The following AFG2A variants were observed in gnomAD, a reference collection of about 807,000 sequenced individuals.
AFG2A encodes AAA ATPase AFG2A.
At chr4:123,096,893 G>C in the AFG2A span, among the ~76,000 whole-genome samples, 1 of 152,058 alleles carries the variant, frequency 6.6e-6, no homozygotes, top group South Asian at 2.1e-4. Context: ...TCTGGAAGAG[G>C]AAATGTGCTT....
the AFG2A span, among the ~76,000 whole-genome samples, chr4:123,075,988 C>A: frequency 0.14 from 18,810 of 134,040 alleles, 1,219 homozygotes; most frequent in Middle Eastern, 0.26. Context: ...AAAAAAAAAA[C>A]AAAAAAAAAA....
At chr4:122,938,765 T>C in the AFG2A span, among the ~76,000 whole-genome samples, 1 of 151,860 alleles carries the variant, frequency 6.6e-6, no homozygotes, top group Non-Finnish European at 1.5e-5. Flanking sequence ...TAATTTTTTT[T>C]TAAATCTTCT....
chr4:123,248,395 T>C, the AFG2A span, among the ~76,000 whole-genome samples: 1 of 152,198 alleles, frequency 6.6e-6, no homozygotes, highest in Non-Finnish European at 1.5e-5. Context: ...TAAGAGATAT[T>C]ATGAAATCGT....
chr4:123,048,319 T>C, the AFG2A span, among the ~76,000 whole-genome samples: 1 of 152,218 alleles, frequency 6.6e-6, no homozygotes, highest in Non-Finnish European at 1.5e-5. Context: ...TTCTTTTAGC[T>C]CAGGATTGCT....
the AFG2A span, among the ~76,000 whole-genome samples, chr4:123,155,598 G>A: frequency 7.0e-6 from 1 of 143,538 alleles, no homozygotes; most frequent in Non-Finnish European, 1.5e-5. Context: ...TAACAATACA[G>A]CATTTTCAAA....
At chr4:122,977,176 G>A in the AFG2A span, among the ~76,000 whole-genome samples, 12 of 152,124 alleles carry the variant, frequency 7.9e-5, no homozygotes, top group South Asian at 2.1e-4. Context: ...AGAAACCTCT[G>A]TGGCCGGTGG....
the AFG2A span, among the ~76,000 whole-genome samples, chr4:122,970,934 A>C: frequency 1.3e-5 from 2 of 152,136 alleles, no homozygotes; most frequent in African/African-American, 4.8e-5. Context: ...CCCGGGTTCA[A>C]GCAATTCTTG....
the AFG2A span, chr4:122,938,112 T>C: frequency 6.3e-7 from 1 of 1,579,390 alleles, no homozygotes; most frequent in Non-Finnish European, 8.6e-7. Flanking sequence ...TTCATTTTAC[T>C]TGTTTGTTTT....
chr4:123,049,290 G>A, the AFG2A span, among the ~76,000 whole-genome samples: 4 of 152,160 alleles, frequency 2.6e-5, no homozygotes, highest in Admixed American at 2.0e-4. Flanking sequence ...TTTTAAATCT[G>A]TGTTTATCGG....
the AFG2A span, among the ~76,000 whole-genome samples, chr4:123,272,280 C>T: frequency 6.6e-6 from 1 of 152,148 alleles, no homozygotes. Flanking sequence ...ACCGTGAGCT[C>T]AGTAAACCCC....
the AFG2A span, chr4:123,090,551 A>G: frequency 6.2e-7 from 1 of 1,612,504 alleles, no homozygotes; most frequent in Non-Finnish European, 8.5e-7. Flanking sequence ...AAGTAAAGAT[A>G]TTTTTTAAAC....
chr4:123,256,265 G>A, the AFG2A span: 3 of 1,485,532 alleles, frequency 2.0e-6, no homozygotes, highest in East Asian at 2.3e-5. Context: ...TTGCCCTGAG[G>A]TGTTTTAAAT....
chr4:123,101,153 A>G, the AFG2A span, among the ~76,000 whole-genome samples: 2 of 151,890 alleles, frequency 1.3e-5, no homozygotes, highest in Non-Finnish European at 2.9e-5. Context: ...AAAATTGTTT[A>G]AAGTATCTAG....
At chr4:123,153,486 C>T in the AFG2A span, among the ~76,000 whole-genome samples, 1 of 152,064 alleles carries the variant, frequency 6.6e-6, no homozygotes, top group Non-Finnish European at 1.5e-5. Flanking sequence ...TTTTAAGTTC[C>T]AGGGGACATG....
At chr4:123,059,135 T>TTTTTATTTTA in the AFG2A span, among the ~76,000 whole-genome samples, 12,864 of 138,330 alleles carry the variant, frequency 0.093, 789 homozygotes, top group Middle Eastern at 0.19. Flanking sequence ...TTTCTTTTCT[T>TTTTTATTTTA]TTTTATTTTA....
the AFG2A span, among the ~76,000 whole-genome samples, chr4:123,087,735 G>C: frequency 6.6e-6 from 1 of 152,080 alleles, no homozygotes; most frequent in Admixed American, 6.5e-5. Flanking sequence ...CTCTTTGTGG[G>C]TTTCCGCTCC....
At chr4:122,939,888 T>A in the AFG2A span, among the ~76,000 whole-genome samples, 1 of 152,210 alleles carries the variant, frequency 6.6e-6, no homozygotes, top group Non-Finnish European at 1.5e-5. Context: ...AGTGTTTGGT[T>A]TTTTGTCCTT....
chr4:122,990,053 A>G, the AFG2A span, among the ~76,000 whole-genome samples: 124,429 of 151,882 alleles, frequency 0.82, 52,460 homozygotes, highest in East Asian at 0.95. Flanking sequence ...TTTTGTAGAC[A>G]TGGGTTTTCT....
At chr4:122,927,146 A>G in the AFG2A span, among the ~76,000 whole-genome samples, 1 of 152,192 alleles carries the variant, frequency 6.6e-6, no homozygotes, top group Non-Finnish European at 1.5e-5. Flanking sequence ...TCGTATAAGG[A>G]AGACGACTTC....
Sources: allele counts gnomAD v4.1 joint callset (sites outside exome capture counted in the v4.1 genomes callset), GRCh38; gene constraint gnomAD v4.1.1; transcripts MANE v1.5; gene names NCBI Gene and HGNC (gene_info 2026-07-23, HGNC 2026-07-21).